Variants in CLYBL observed in about 807,000 individuals in gnomAD.
CLYBL encodes the protein citramalyl-CoA lyase, mitochondrial.
In CLYBL, 31 loss-of-function variants were observed where a neutral mutation model predicts 38.9. The ratio of observed to expected loss-of-function variants is 0.80; its 90% confidence interval spans 0.60 to 1.08. CLYBL has a LOEUF of 1.08. CLYBL is among the 50% of genes least tolerant of loss of function. The pLI is 0.00. For synonymous variants in CLYBL, 171 were observed against 158.6 expected (o/e 1.08, Z -0.59); for missense variants, 434 against 411.6 (o/e 1.05, Z -0.47).
intron 1 of CLYBL, among the ~76,000 whole-genome samples, chr13:99,625,829 A>G (rs1049863607): frequency 1.3e-5 from 2 of 152,216 alleles, no homozygotes; most frequent in African/African-American, 4.8e-5. Context: ...GGCTCCGAGC[A>G]TTACTGAGGC....
At chr13:99,692,308 T>TG (rs2047918149) in intron 1 of CLYBL, among the ~76,000 whole-genome samples, 1 of 151,590 alleles carries the variant, frequency 6.6e-6, no homozygotes. Flanking sequence ...TTGTTTGTTT[T>TG]TTTGAGACAG....
At chr13:99,617,139 A>G (rs1419338414) in intron 1 of CLYBL, among the ~76,000 whole-genome samples, 1 of 152,184 alleles carries the variant, frequency 6.6e-6, no homozygotes, top group Non-Finnish European at 1.5e-5. Flanking sequence ...ACTTTTCAGT[A>G]TTAATATTCA....
chr13:99,607,430 A>C (rs1346862478), intron 1 of CLYBL, among the ~76,000 whole-genome samples: 1 of 152,220 alleles, frequency 6.6e-6, no homozygotes. Flanking sequence ...TTCTGGGCTC[A>C]TGCAGATGCA....
intron 1 of CLYBL, among the ~76,000 whole-genome samples, chr13:99,708,861 G>A (rs1216683226): frequency 6.6e-6 from 1 of 152,166 alleles, no homozygotes; most frequent in Non-Finnish European, 1.5e-5. Flanking sequence ...TTGGGAGCCT[G>A]AGGTGGGCGG....
In CLYBL at chr13:99,865,331, T is replaced by C; in HGVS notation, c.634+420T>C. 1 of 279,078 alleles carries C rather than the reference T, an allele frequency of 3.6e-6. No individual in the cohort carries two copies. Among genetic ancestry groups the C allele is most frequent in the Non-Finnish European group, 7.0e-6 (1 of 143,582 alleles). The allele number at this position is 279,078 out of a possible 1,614,324, so 17.3% of individuals were successfully genotyped here. A position where few individuals can be genotyped will look rare whatever the true frequency, so the allele number is the denominator to read the frequency against. Reference sequence around the variant, plus strand: ...GCAATTTCACATTTGCCTTAATGAATTGTTTTCTACAGAATATGCGGTAGG... The same window carrying C: ...GCAATTTCACATTTGCCTTAATGAACTGTTTTCTACAGAATATGCGGTAGG... On this transcript the variant is annotated intron_variant, in intron 5 of 8. Transcript: ENST00000339105. The surrounding 1 kb of genome is among the most constrained non-coding windows in gnomAD (Gnocchi z 4.7).
chr13:99,753,738 A>C (rs1317479312), intron 1 of CLYBL, among the ~76,000 whole-genome samples: 1 of 152,148 alleles, frequency 6.6e-6, no homozygotes, highest in Non-Finnish European at 1.5e-5. Flanking sequence ...AAAGCCCTGA[A>C]CCAAGTTATT....
chr13:99,847,930 C>T (rs905180848), intron 2 of CLYBL, among the ~76,000 whole-genome samples: 1 of 152,224 alleles, frequency 6.6e-6, no homozygotes, highest in Non-Finnish European at 1.5e-5. Context: ...CCTGGGCTGC[C>T]CCTGCCCTTC....
intron 2 of CLYBL, among the ~76,000 whole-genome samples, chr13:99,834,519 C>T (rs935870861): frequency 2.0e-5 from 3 of 152,206 alleles, no homozygotes; most frequent in African/African-American, 4.8e-5. Context: ...TCCACTGGTG[C>T]AGTGCTGTGG....
At chr13:99,844,674 A>G (rs1411109235) in intron 2 of CLYBL, among the ~76,000 whole-genome samples, 1 of 152,192 alleles carries the variant, frequency 6.6e-6, no homozygotes. Flanking sequence ...CCTGTGTCTC[A>G]GCTTCGGGCC....
At chr13:99,727,258 A>T (rs1326120970) in intron 1 of CLYBL, 1 of 152,024 alleles carries the variant, frequency 6.6e-6, no homozygotes, top group African/African-American at 2.4e-5. Flanking sequence ...GCCTAATTGC[A>T]GGTATTTCTA....
At chr13:99,678,058 T>G (rs1196333666) in intron 1 of CLYBL, among the ~76,000 whole-genome samples, 1 of 152,200 alleles carries the variant, frequency 6.6e-6, no homozygotes, top group Non-Finnish European at 1.5e-5. Context: ...ATGGTTTACA[T>G]TTGCGCGTGT....
intron 2 of CLYBL, among the ~76,000 whole-genome samples, chr13:99,857,923 A>C (rs1255083988): frequency 6.6e-6 from 1 of 152,086 alleles, no homozygotes; most frequent in Non-Finnish European, 1.5e-5. Flanking sequence ...TCATTCTGAC[A>C]ATGAGAATTT....
At chr13:99,734,987 C>T (rs935630000) in intron 1 of CLYBL, among the ~76,000 whole-genome samples, 25 of 152,190 alleles carry the variant, frequency 1.6e-4, no homozygotes, top group African/African-American at 6.0e-4. Flanking sequence ...ACTTGCTATA[C>T]CAGCGCATAT....
Position 99,702,500 on chromosome 13 carries a change from C to T in CLYBL, c.63-70324C>T, listed in dbSNP as rs111328491. 1.4e-3 allele frequency among the ~76,000 whole-genome samples: 210 copies of T among 151,984 alleles called. 1 individual carries two copies. Among genetic ancestry groups the T allele is most frequent in the African/African-American group, 4.7e-3 (196 of 41,460 alleles). ...TACAAAAATTAGCCGGGCGTGGTGT[C>T]GCATGCCTGTAATCCGAGCTACTTA... On this transcript the variant is annotated intron_variant, in intron 1 of 8. Coordinates refer to ENST00000339105, the MANE Select transcript of CLYBL (RefSeq NM_206808.5).
At chr13:99,871,141 A>C in intron 7 of CLYBL, 79 bp downstream of exon 7, 1 of 1,507,792 alleles carries the variant, frequency 6.6e-7, no homozygotes, top group Non-Finnish European at 9.2e-7. Context: ...ATGTTGTGTG[A>C]ATGGTTTAAG....
chr13:99,630,180 G>A lies in CLYBL; in HGVS notation c.62+23423G>A, dbSNP rs7984935. On this transcript the variant is annotated intron_variant, in intron 1 of 8. Transcript: ENST00000339105. ...CAAAGCCCCATCTTCTGTTTCAGAA[G>A]CAGCTTGGAGCATTTCTTGTTTAAC... 5.3e-3 allele frequency among the ~76,000 whole-genome samples: 811 copies of A among 152,308 alleles called. 4 individuals are homozygous for A. Among genetic ancestry groups the A allele is most frequent in the African/African-American group, 0.019 (783 of 41,560 alleles).
chr13:99,863,066 A>T lies in CLYBL; in HGVS notation c.514A>T (p.Thr172Ser). The T allele has an allele frequency of 1.2e-6, 2 of 1,606,634 alleles. No homozygotes were observed. The highest frequency in any genetic ancestry group is 1.7e-6 in the Non-Finnish European group (2 of 1,175,794). ...QPMNLIPFVE[T>S]AMGLLNFKAV... ...AATGAATTTAATCCCTTTTGTGGAA[A>T]CTGCAATGGGTTTGCTCAATTTTAA... Residue 172 changes from threonine to serine, a missense_variant, in exon 4 of 9, where the codon ACT becomes TCT. Transcript: ENST00000339105.
At chr13:99,728,141 G>A (rs1200743241) in intron 1 of CLYBL, among the ~76,000 whole-genome samples, 1 of 152,154 alleles carries the variant, frequency 6.6e-6, no homozygotes, top group African/African-American at 2.4e-5. Context: ...CTTTTCATGA[G>A]TTTTGTGAGG....
At chr13:99,876,042 A>G (rs973010841) in intron 7 of CLYBL, among the ~76,000 whole-genome samples, 4 of 142,854 alleles carry the variant, frequency 2.8e-5, no homozygotes, top group Non-Finnish European at 4.6e-5. Flanking sequence ...GCTACAAAGT[A>G]TTGAAATCAT....
Sources: gnomAD v4.1 joint callset for allele counts (sites outside exome capture counted in the v4.1 genomes callset) on GRCh38, gnomAD v4.1.1 for gene constraint, Gnocchi (gnomAD v3.1) non-coding constraint, MANE v1.5 for transcripts, NCBI Gene and HGNC (gene_info 2026-07-23, HGNC 2026-07-21) for gene names.